The following MAP2K1 variants were observed in gnomAD, a reference collection of about 807,000 sequenced individuals.
MAP2K1 encodes dual specificity mitogen-activated protein kinase kinase 1.
Under a neutral mutation model 46.3 loss-of-function variants are expected in MAP2K1, and 16 were observed. The observed-to-expected ratio is 0.35, with a 90% CI of 0.23 to 0.52. The LOEUF is 0.52. Ranked by LOEUF, MAP2K1 falls within the 20% of genes least tolerant of loss-of-function variation. The pLI is 0.94. For missense variants in MAP2K1, 263 were observed against 497.1 expected (o/e 0.53, Z 4.48); for synonymous variants, 183 against 185.6 (o/e 0.99, Z 0.11).
At chr15:66,453,829 G>A (rs748134694) in intron 5 of MAP2K1, among the ~76,000 whole-genome samples, 9 of 152,110 alleles carry the variant, frequency 5.9e-5, no homozygotes. Context: ...ACAGGGTCTT[G>A]CTCTGGTGCC....
chr15:66,490,036 G>A (rs1017010594), intron 10 of MAP2K1: 16 of 574,732 alleles, frequency 2.8e-5, no homozygotes, highest in Non-Finnish European at 4.3e-5. Flanking sequence ...CCCCTTCATG[G>A]GGATGCGGCC....
chr15:66,395,466 C>A (rs888720666), intron 1 of MAP2K1, among the ~76,000 whole-genome samples: 3 of 152,016 alleles, frequency 2.0e-5, no homozygotes, highest in African/African-American at 7.2e-5. Context: ...TCTTTACTCT[C>A]CTCACTGTGC....
intron 1 of MAP2K1, among the ~76,000 whole-genome samples, chr15:66,396,305 T>C (rs1281536014): frequency 6.7e-6 from 1 of 149,222 alleles, no homozygotes; most frequent in Non-Finnish European, 1.5e-5. Context: ...TGAGATGGAG[T>C]TTCACTCTTC....
intron 1 of MAP2K1, among the ~76,000 whole-genome samples, chr15:66,421,108 A>G (rs1197714794): frequency 1.6e-5 from 1 of 61,178 alleles, no homozygotes; most frequent in African/African-American, 7.6e-5. Flanking sequence ...ACACACACAC[A>G]CACACACACA....
intron 1 of MAP2K1, among the ~76,000 whole-genome samples, chr15:66,405,102 GA>G (rs1304272974): frequency 6.6e-6 from 1 of 152,166 alleles, no homozygotes; most frequent in Non-Finnish European, 1.5e-5. Context: ...AATTCTGCAA[GA>G]AAGGTCATAG....
chr15:66,443,556 C>T (rs189864160), intron 4 of MAP2K1, among the ~76,000 whole-genome samples, 199 bp downstream of exon 4: 2 of 126,414 alleles, frequency 1.6e-5, no homozygotes, highest in African/African-American at 6.0e-5. Flanking sequence ...AAGTGACTTT[C>T]TTTATATTAA....
In MAP2K1 at chr15:66,483,250, G is replaced by C. The variant is rs73471744; in HGVS notation, c.693+1371G>C. Among the ~76,000 whole-genome samples, 724 of 152,194 alleles carry C rather than the reference G, an allele frequency of 4.8e-3. 3 individuals carry two copies. The highest frequency in any genetic ancestry group is 0.016 in the African/African-American group (675 of 41,512). ...TTCTTGCTGGCACCTACCCCCCACT[G>C]TGACTCCAGCCACTGTCAACATCAC... is the stretch of plus-strand genomic sequence containing the variant. On this transcript the variant is annotated intron_variant, in intron 6 of 10. Transcript: ENST00000307102.
At chr15:66,453,626 A>G (rs1892092809) in intron 5 of MAP2K1, 1 of 699,628 alleles carries the variant, frequency 1.4e-6, no homozygotes, top group African/African-American at 1.7e-5. Flanking sequence ...GGGCTTCCTC[A>G]TGGCCAGTTC....
intron 5 of MAP2K1, among the ~76,000 whole-genome samples, chr15:66,479,349 A>G (rs552031590): frequency 1.3e-4 from 19 of 151,814 alleles, no homozygotes; most frequent in African/African-American, 4.6e-4. Context: ...CTGCCCACCT[A>G]GGCCTCCCAA....
intron 5 of MAP2K1, among the ~76,000 whole-genome samples, chr15:66,449,651 T>A (rs1232774872): frequency 1.3e-5 from 2 of 152,104 alleles, no homozygotes; most frequent in Non-Finnish European, 2.9e-5. Context: ...GAGGCCGAGG[T>A]GGGTGGATCA....
chr15:66,443,413 G>A (rs568143190), intron 4 of MAP2K1, 56 bp downstream of exon 4: 8 of 1,042,822 alleles, frequency 7.7e-6, no homozygotes, highest in East Asian at 7.2e-5. Flanking sequence ...TTAATGAGTC[G>A]GTAAGAAATG....
intron 6 of MAP2K1, among the ~76,000 whole-genome samples, chr15:66,484,097 C>G (rs1892979318): frequency 6.6e-6 from 1 of 151,420 alleles, no homozygotes; most frequent in Non-Finnish European, 1.5e-5. Context: ...GTAGAGTTTT[C>G]TTATATCATT....
intron 6 of MAP2K1, among the ~76,000 whole-genome samples, chr15:66,484,667 C>T (rs1461088680): frequency 6.6e-6 from 1 of 150,376 alleles, no homozygotes; most frequent in South Asian, 2.1e-4. Flanking sequence ...GGCTGCCCTG[C>T]GTGTGCAAGA....
At chr15:66,473,811 G>A (rs1892695281) in intron 5 of MAP2K1, among the ~76,000 whole-genome samples, 1 of 152,108 alleles carries the variant, frequency 6.6e-6, no homozygotes, top group African/African-American at 2.4e-5. Context: ...CTGAGTAGCT[G>A]GGACTACCGG....
chr15:66,418,450 T>C (rs538529740), intron 1 of MAP2K1, among the ~76,000 whole-genome samples: 2 of 152,214 alleles, frequency 1.3e-5, no homozygotes, highest in Non-Finnish European at 2.9e-5. Context: ...CTCTTTTTCT[T>C]TTTTTAAATT....
intron 1 of MAP2K1, among the ~76,000 whole-genome samples, chr15:66,408,882 C>T (rs1235978147): frequency 6.6e-6 from 1 of 152,158 alleles, no homozygotes; most frequent in African/African-American, 2.4e-5. Flanking sequence ...TCTGCTCCAC[C>T]CTCCGGAGCA....
At chr15:66,436,633 C>G in intron 2 of MAP2K1, 113 bp from the exon 3 acceptor site, 1 of 1,039,874 alleles carries the variant, frequency 9.6e-7, no homozygotes, top group Non-Finnish European at 1.5e-6. Flanking sequence ...AACAACTTAA[C>G]CTGTTTCTCC....
intron 5 of MAP2K1, among the ~76,000 whole-genome samples, chr15:66,479,123 G>A (rs892428435): frequency 2.0e-5 from 3 of 151,408 alleles, no homozygotes; most frequent in African/African-American, 7.3e-5. Context: ...AGACAGAGGA[G>A]TCTCACTCTG....
chr15:66,407,827 G>A (rs2093401500), intron 1 of MAP2K1, among the ~76,000 whole-genome samples: 1 of 152,208 alleles, frequency 6.6e-6, no homozygotes, highest in Non-Finnish European at 1.5e-5. Flanking sequence ...GGCCAACAGA[G>A]CAAGACTTCG....
Sources: gnomAD v4.1 joint callset for allele counts (sites outside exome capture counted in the v4.1 genomes callset) on GRCh38, gnomAD v4.1.1 for gene constraint, MANE v1.5 for transcripts, NCBI Gene and HGNC (gene_info 2026-07-23, HGNC 2026-07-21) for gene names.